HDAC9: variants seen among roughly 807,000 people sequenced by gnomAD.
HDAC9 encodes the protein histone deacetylase 9.
HDAC9 carries 41 observed loss-of-function variants against 139.4 expected under a neutral mutation model. The ratio of observed to expected loss-of-function variants is 0.29; its 90% CI spans 0.23 to 0.38. HDAC9 has a LOEUF of 0.38. Among genes scored for constraint, HDAC9 ranks in the 10% least tolerant of loss-of-function variants. The probability of loss-of-function intolerance (pLI) is 1.00; values close to 1 mark genes in which losing one functional copy is unlikely to be tolerated. For synonymous variants in HDAC9, 517 were observed against 476.2 expected, an observed-to-expected ratio of 1.09 and a Z score of -1.12; for missense variants, 1,147 against 1,297.0, an observed-to-expected ratio of 0.88 and a Z score of 1.78.
At chr7:18,548,861 G>T (rs1477250952) in intron 2 of HDAC9, among the ~76,000 whole-genome samples, 1 of 152,182 alleles carries the variant, frequency 6.6e-6, no homozygotes, top group East Asian at 1.9e-4. Flanking sequence ...TGAGGATGTG[G>T]ATAAATTGGA....
At chr7:18,604,357 T>G (rs1834823143) in intron 6 of HDAC9, among the ~76,000 whole-genome samples, 1 of 152,108 alleles carries the variant, frequency 6.6e-6, no homozygotes, top group African/African-American at 2.4e-5. Context: ...ATCTTCAAAG[T>G]TATTGATTCC....
chr7:18,228,120 A>C (rs1193950008), intron 2 of HDAC9, among the ~76,000 whole-genome samples: 1 of 152,182 alleles, frequency 6.6e-6, no homozygotes, highest in Non-Finnish European at 1.5e-5. Flanking sequence ...GGAAATGTTA[A>C]TGTTTAGTGG....
chr7:18,448,796 C>T (rs1232767452), intron 1 of HDAC9, among the ~76,000 whole-genome samples: 1 of 152,068 alleles, frequency 6.6e-6, no homozygotes, highest in African/African-American at 2.4e-5. Flanking sequence ...AGTTGGAAAA[C>T]AACTTGGACT....
intron 1 of HDAC9, among the ~76,000 whole-genome samples, chr7:18,424,948 A>G (rs1789975728): frequency 6.6e-6 from 1 of 152,162 alleles, no homozygotes. Context: ...AATATGTTTT[A>G]TGATTTCCTA....
intron 1 of HDAC9, among the ~76,000 whole-genome samples, chr7:18,303,213 T>C (rs1034425667): frequency 6.6e-6 from 1 of 152,090 alleles, no homozygotes. Context: ...TGGGTAGTTA[T>C]GGAATAAGAC....
chr7:18,530,593 G>A (rs1458190237), intron 2 of HDAC9, among the ~76,000 whole-genome samples: 6 of 151,800 alleles, frequency 4.0e-5, no homozygotes, highest in African/African-American at 1.5e-4. Flanking sequence ...TCTCTGAAAG[G>A]GTGTGAAGTT....
chr7:18,809,173 A>G (rs193079539), intron 17 of HDAC9, among the ~76,000 whole-genome samples: 2 of 152,190 alleles, frequency 1.3e-5, no homozygotes, highest in Admixed American at 6.5e-5. Context: ...ACTTAATACT[A>G]TAGACCAAAT....
chr7:18,951,593 G>A (rs2129322441), intron 23 of HDAC9, among the ~76,000 whole-genome samples: 1 of 151,470 alleles, frequency 6.6e-6, no homozygotes, highest in South Asian at 2.1e-4. Context: ...TGTCTTGTTT[G>A]TATAAATTAC....
intron 22 of HDAC9, among the ~76,000 whole-genome samples, chr7:18,893,850 G>A (rs1176967756): frequency 6.6e-6 from 1 of 152,158 alleles, no homozygotes; most frequent in Non-Finnish European, 1.5e-5. Context: ...AGCTGAAGGT[G>A]ATAAAGGAGC....
chr7:18,546,389 C>T (rs1424502528), intron 2 of HDAC9, among the ~76,000 whole-genome samples: 1 of 152,104 alleles, frequency 6.6e-6, no homozygotes, highest in African/African-American at 2.4e-5. Context: ...AGATTTGTCA[C>T]CTGTAAACTC....
intron 12 of HDAC9, among the ~76,000 whole-genome samples, chr7:18,696,505 G>C (rs1411272534): frequency 1.4e-5 from 2 of 146,042 alleles, no homozygotes; most frequent in Non-Finnish European, 3.0e-5. Context: ...GTCTTGCTCT[G>C]TCTCCAGGCT....
At chr7:18,443,537 A>G (rs549556931) in intron 1 of HDAC9, among the ~76,000 whole-genome samples, 3 of 152,316 alleles carry the variant, frequency 2.0e-5, no homozygotes, top group South Asian at 4.1e-4. Context: ...ATTGTTAGTT[A>G]TGGTCCATTC....
chr7:18,850,371 C>T (rs962430535), intron 21 of HDAC9, among the ~76,000 whole-genome samples: 1 of 152,024 alleles, frequency 6.6e-6, no homozygotes. Context: ...ACTTCTTGTT[C>T]GAGGAGAGGC....
intron 2 of HDAC9, among the ~76,000 whole-genome samples, chr7:18,570,769 A>G (rs1171670886): frequency 2.0e-5 from 3 of 152,240 alleles, no homozygotes; most frequent in Non-Finnish European, 4.4e-5. Context: ...TAAAGAACAA[A>G]TGAATGAATA....
intron 2 of HDAC9, among the ~76,000 whole-genome samples, chr7:18,224,419 G>A (rs1198070342): frequency 6.6e-6 from 1 of 152,134 alleles, no homozygotes; most frequent in Non-Finnish European, 1.5e-5. Flanking sequence ...GTCCTTAGGG[G>A]CCCAGAATTC....
At chr7:18,256,084 A>G (rs540094505) in intron 2 of HDAC9, among the ~76,000 whole-genome samples, 3 of 152,202 alleles carry the variant, frequency 2.0e-5, no homozygotes, top group Non-Finnish European at 2.9e-5. Flanking sequence ...TCTTCTCTCA[A>G]TATCTTGAAG....
chr7:18,620,583 C>T lies in HDAC9; in HGVS notation c.665-8767C>T, dbSNP rs801530. ...AATTTGTACATTCATTCATTCACTC[C>T]GTAAACTTTTACTGAGTTTCACCTG... On this transcript the variant is annotated intron_variant, in intron 6 of 25. Transcript: ENST00000686413. 5.7e-3 allele frequency among the ~76,000 whole-genome samples: 867 copies of T among 151,306 alleles called. 10 individuals are homozygous for T. Among genetic ancestry groups the T allele is most frequent in the African/African-American group, 0.02 (827 of 41,190 alleles).
In HDAC9 at chr7:18,421,767, G is replaced by A. The variant is rs537414965; in HGVS notation, c.-41-74495G>A. 7.0e-4 allele frequency among the ~76,000 whole-genome samples: 107 copies of A among 152,216 alleles called. 1 individual carries two copies. Among genetic ancestry groups the A allele is most frequent in the African/African-American group, 2.5e-3 (104 of 41,542 alleles). ...CAGTCTCTTAACCTTAGCTCACCAC[G>A]TGATTAGACTCAGGGTGAATGCACA... On this transcript the variant is annotated intron_variant, in intron 1 of 3. Transcript: ENST00000413509.
chr7:18,251,141 T>G (rs555301509), intron 2 of HDAC9, among the ~76,000 whole-genome samples: 2 of 152,264 alleles, frequency 1.3e-5, no homozygotes, highest in South Asian at 2.1e-4. Flanking sequence ...ATAGAGAAAT[T>G]ATGGTCCATA....
Sources: gnomAD v4.1 joint callset for allele counts (sites outside exome capture counted in the v4.1 genomes callset) on GRCh38, gnomAD v4.1.1 for gene constraint, MANE v1.5 for transcripts, NCBI Gene and HGNC (gene_info 2026-07-23, HGNC 2026-07-21) for gene names.